ZBTB11: variants seen among roughly 807,000 people sequenced by gnomAD.
ZBTB11 encodes the protein zinc finger and BTB domain-containing protein 11.
In ZBTB11, 68 loss-of-function variants were observed where a neutral mutation model predicts 113.1. That is an observed-to-expected ratio of 0.60 (90% CI 0.49 to 0.74). ZBTB11 has a LOEUF of 0.74. Ranked by LOEUF, ZBTB11 falls within the 30% of genes least tolerant of loss-of-function variation. The pLI, the probability that ZBTB11 is intolerant of heterozygous loss-of-function variation, is 0.00. For missense variants in ZBTB11, 1,104 were observed against 1,279.4 expected, an observed-to-expected ratio of 0.86 and a Z score of 2.09; for synonymous variants, 518 against 452.6, an observed-to-expected ratio of 1.14 and a Z score of -1.83.
At chr3:101,668,899 T>A (rs1937039443) in intron 3 of ZBTB11, among the ~76,000 whole-genome samples, 1 of 152,170 alleles carries the variant, frequency 6.6e-6, no homozygotes, top group Non-Finnish European at 1.5e-5. Flanking sequence ...GTTTTTTTTT[T>A]ACAATTTGAA....
chr3:101,672,221 G>A lies in ZBTB11; in HGVS notation c.311-8C>T. 6.4e-7 allele frequency: 1 copy of A among 1,572,420 alleles called. No individual in the cohort carries two copies. Among genetic ancestry groups the A allele is most frequent in the Non-Finnish European group, 8.7e-7 (1 of 1,154,922 alleles). ...TGACTTGCTTCAATATACCTACAAT[G>A]AAAATATTAACAAGTCAAATTTAAT... On this transcript the variant is annotated splice_polypyrimidine_tract_variant and splice_region_variant and intron_variant, in intron 1 of 10. Transcript: ENST00000312938.
rs761683760 is a variant in ZBTB11 at position 101,672,317 on chromosome 3, C to G, written c.311-104G>C. On this transcript the variant is annotated intron_variant, in intron 1 of 10. Coordinates refer to ENST00000312938, the MANE Select transcript of ZBTB11 (RefSeq NM_014415.4). ...ACACATTTCAGTACATATGTGCAGA[C>G]ATTCATGTCCCATAAAATATGTAGA... The G allele has an allele frequency of 2.0e-5, 14 of 698,354 alleles. 1 individual carries two copies. The highest frequency in any genetic ancestry group is 8.1e-4 in the Middle Eastern group (2 of 2,458). The allele number at this position is 698,354 out of a possible 1,614,324, so 43.3% of individuals were successfully genotyped here.
rs1444306029 is a variant in ZBTB11, at chr3:101,659,785, G to A, written c.2044C>T (p.Gln682Ter). The A allele has an allele frequency of 1.2e-6, 2 of 1,613,884 alleles. No individual in the cohort carries two copies. Residue 682 changes from glutamine (Q) to a stop codon, truncating the protein, a stop_gained and splice_region_variant, in exon 6 of 11, where the codon CAG (glutamine) becomes TAG (stop). Coordinates refer to ENST00000312938, the MANE Select transcript of ZBTB11 (RefSeq NM_014415.4). LOFTEE classifies it high-confidence loss of function. ...CAAAATAAACGTTATAGCTTTACCT[G>A]GCATGCATGTGGCTTTACACCTGTG... Reference protein sequence around the residue: ...KHTGVKPHACQVCGKTFIYKH... With the variant: ...KHTGVKPHAC
intron 2 of ZBTB11, chr3:101,671,714 T>C: frequency 1.7e-6 from 1 of 590,434 alleles, no homozygotes; most frequent in Middle Eastern, 4.5e-4. Context: ...TAAATCTGTC[T>C]ACTTGTACCA....
Position 101,665,227 on chromosome 3 carries a change from T to C in ZBTB11, c.1360A>G (p.Ser454Gly), listed in dbSNP as rs1387168581. The change falls in exon 4 of 11, where the codon AGT becomes GGT. Residue 454 changes from serine to glycine, a missense_variant. Ser to Gly is a moderately conservative substitution (Grantham distance 56). This residue lies in a region of ZBTB11 where 535 missense variants were observed against 518.6 expected (regional missense o/e 1.03). Transcript: ENST00000312938. The part of the protein sequence containing the change: ...ENVISSSPED[S>G]GMGNDISAED... ...GCTGATATATCATTTCCCATACCAC[T>C]ATCCTCTGGCGAGCTACTAATTACA... 3 of 1,614,230 alleles carry C rather than the reference T, an allele frequency of 1.9e-6. No individual in the cohort carries two copies. The highest frequency in any genetic ancestry group is 1.3e-5 in the African/African-American group (1 of 75,070).
In ZBTB11 at chr3:101,650,351, T is replaced by C. The variant is rs530532223; in HGVS notation, c.*815A>G. The C allele has an allele frequency of 6.5e-6, 1 of 152,694 alleles. No homozygotes were observed. Among genetic ancestry groups the C allele is most frequent in the African/African-American group, 2.4e-5 (1 of 41,564 alleles). 9.5% of individuals were successfully genotyped at this position (152,694 alleles called of 1,614,324 possible). On this transcript the variant is annotated 3_prime_UTR_variant, in exon 11 of 11. Coordinates refer to ENST00000312938, the MANE Select transcript of ZBTB11 (RefSeq NM_014415.4). Reference sequence around the variant, plus strand: ...CAAATAATGAGAATTTTTTTTTCCATTAATTGTCCTATGTTATCAAGGAGA... The same window carrying C: ...CAAATAATGAGAATTTTTTTTTCCACTAATTGTCCTATGTTATCAAGGAGA...
chr3:101,656,826 A>C (rs1388650609), intron 6 of ZBTB11, among the ~76,000 whole-genome samples: 2 of 152,112 alleles, frequency 1.3e-5, no homozygotes, highest in African/African-American at 4.8e-5. Context: ...CCAGAGGCCC[A>C]ACTAATACTT....
At position 101,665,515 on chromosome 3, in the gene ZBTB11, G is replaced by T. The variant is rs1391419812; in HGVS notation, c.1072C>A (p.Leu358Ile). The T allele has an allele frequency of 6.2e-7, 1 of 1,614,154 alleles. No homozygotes were observed. The highest frequency in any genetic ancestry group is 8.5e-7 in the Non-Finnish European group (1 of 1,180,036). ...AGTAGTACAATTTCACAATCCCCAA[G>T]TTCAGTAGGTAAACTTGTTGTGGTT... ...EGTTTSLPTE[L>I]GDCEIVLLVN... Residue 358 changes from leucine to isoleucine, a missense_variant, in exon 4 of 11, where the codon CTT becomes ATT. Physicochemically the swap from Leu to Ile is conservative, Grantham distance 5. Transcript: ENST00000312938.
At chr3:101,657,423 T>C (rs1323177144) in intron 6 of ZBTB11, among the ~76,000 whole-genome samples, 5 of 151,770 alleles carry the variant, frequency 3.3e-5, no homozygotes, top group Admixed American at 3.3e-4. Context: ...GGAGAATTGC[T>C]TGAACCTGGG....
chr3:101,662,774 T>A (rs1936913994), intron 5 of ZBTB11, among the ~76,000 whole-genome samples: 1 of 152,160 alleles, frequency 6.6e-6, no homozygotes, highest in Admixed American at 6.5e-5. Context: ...TTGTCTTTTT[T>A]TTTTGGAGAC....
intron 3 of ZBTB11, among the ~76,000 whole-genome samples, chr3:101,670,035 T>C (rs1052789456): frequency 6.6e-6 from 1 of 152,076 alleles, no homozygotes; most frequent in East Asian, 1.9e-4. Context: ...TCCATGTTGA[T>C]CAGGCTGGTC....
chr3:101,659,925 T>A lies in ZBTB11; in HGVS notation c.1904A>T (p.Asn635Ile). The change falls in exon 6 of 11, where the codon AAT (asparagine) becomes ATT (isoleucine). Residue 635 changes from asparagine to isoleucine, a missense_variant. This residue lies in a region of ZBTB11 where 535 missense variants were observed against 518.6 expected (regional missense o/e 1.03). Coordinates refer to ENST00000312938, the MANE Select transcript of ZBTB11 (RefSeq NM_014415.4). ...PSSSSSNSTS[N>I]EASGTSSEKG... The stretch of plus-strand genomic sequence containing the variant: ...CTCAGATGATGTTCCCGATGCTTCA[T>A]TAGACGTGGAATTGGACGAGGATGA... 6.2e-7 allele frequency: 1 copy of A among 1,614,210 alleles called. No individual in the cohort carries two copies. The highest frequency in any genetic ancestry group is 8.5e-7 in the Non-Finnish European group (1 of 1,180,038).
chr3:101,664,844 A>C, intron 4 of ZBTB11, 120 bp downstream of exon 4: 1 of 1,475,802 alleles, frequency 6.8e-7, no homozygotes, highest in Non-Finnish European at 9.1e-7. Flanking sequence ...TAAAACATTA[A>C]GTTGCTACCT....
At chr3:101,666,236 C>T (rs1936993633) in intron 3 of ZBTB11, among the ~76,000 whole-genome samples, 1 of 152,080 alleles carries the variant, frequency 6.6e-6, no homozygotes, top group Non-Finnish European at 1.5e-5. Context: ...AATAGTGGTA[C>T]ATATAAAAAT....
rs1936727120 is a variant in ZBTB11, at chr3:101,652,778, A to C, written c.2468+2T>G. 6.2e-7 allele frequency: 1 copy of C among 1,610,520 alleles called. No homozygotes were observed. Among genetic ancestry groups the C allele is most frequent in the African/African-American group, 1.3e-5 (1 of 74,730 alleles). On this transcript the variant is annotated splice_donor_variant, in intron 9 of 10. Transcript: ENST00000312938. LOFTEE classifies it high-confidence loss of function. The stretch of plus-strand genomic sequence containing the variant: ...GTTCAGCTCCTTCTCAAATTTACTC[A>C]CCTATAAGGCTCAGTGACAGAATGA...
Position 101,658,681 on chromosome 3 carries a change from G to C in ZBTB11, c.2046+1102C>G, listed in dbSNP as rs555498434. Reference sequence around the variant, plus strand: ...ACTTAGGAATGGAAAACCAAACATCGTATGTTCTCACTCATAATTGGGAGC... The same window carrying C: ...ACTTAGGAATGGAAAACCAAACATCCTATGTTCTCACTCATAATTGGGAGC... On this transcript the variant is annotated intron_variant, in intron 6 of 10. Coordinates refer to ENST00000312938, the MANE Select transcript of ZBTB11 (RefSeq NM_014415.4). Among the ~76,000 whole-genome samples the C allele has an allele frequency of 2.0e-5, 3 of 152,182 alleles. No individual in the cohort carries two copies. In the East Asian group the frequency reaches 5.8e-4, roughly 29 times the overall value.
Position 101,677,118 on chromosome 3 carries a change from G to A in ZBTB11, c.-204C>T, listed in dbSNP as rs1426027213. 1 of 570,896 alleles carries A rather than the reference G, an allele frequency of 1.8e-6. No homozygotes were observed. The highest frequency in any genetic ancestry group is 2.9e-6 in the Non-Finnish European group (1 of 341,462). 35.4% of individuals were successfully genotyped at this position (570,896 alleles called of 1,614,324 possible). Reference sequence around the variant, plus strand: ...GGAACTGCACTTCTCCAGCGCGCGGGATCCGCTGGCGACTGACAAAATGGC... The same window carrying A: ...GGAACTGCACTTCTCCAGCGCGCGGAATCCGCTGGCGACTGACAAAATGGC... On this transcript the variant is annotated 5_prime_UTR_variant, in exon 1 of 11. Transcript: ENST00000312938.
intron 6 of ZBTB11, among the ~76,000 whole-genome samples, chr3:101,658,528 A>C (rs1936836317): frequency 1.3e-5 from 2 of 151,698 alleles, no homozygotes; most frequent in African/African-American, 2.4e-5. Flanking sequence ...CCGGCCAATT[A>C]ATTAATTTTT....
intron 6 of ZBTB11, among the ~76,000 whole-genome samples, chr3:101,657,443 T>C (rs1361378300): frequency 3.3e-5 from 5 of 150,888 alleles, no homozygotes; most frequent in African/African-American, 1.2e-4. Flanking sequence ...GAGGTGGAGG[T>C]TGCAGTGAAC....
Sources: allele counts gnomAD v4.1 joint callset (sites outside exome capture counted in the v4.1 genomes callset), GRCh38; gene constraint gnomAD v4.1.1; regional missense constraint gnomAD v4.1.1; transcripts MANE v1.5; gene names NCBI Gene and HGNC (gene_info 2026-07-23, HGNC 2026-07-21).